Variants in HNRNPD observed in about 807,000 individuals in gnomAD.
The protein encoded by HNRNPD is heterogeneous nuclear ribonucleoprotein D.
HNRNPD carries 3 observed loss-of-function variants against 47.9 expected under a neutral mutation model. That is an observed-to-expected ratio of 0.06 (90% CI 0.03 to 0.16). The LOEUF is 0.16. Among genes scored for constraint, HNRNPD ranks in the 10% least tolerant of loss-of-function variants. The probability of loss-of-function intolerance (pLI) is 1.00; values close to 1 mark genes in which losing one functional copy is unlikely to be tolerated. For missense variants in HNRNPD, 287 were observed against 454.2 expected, an observed-to-expected ratio of 0.63 and a Z score of 3.35; for synonymous variants, 171 against 165.1, an observed-to-expected ratio of 1.04 and a Z score of -0.28.
rs1352433582 is a variant in HNRNPD at position 82,373,620 on chromosome 4, CCTACCGCCGCCGTTGCCG to C, written c.41_58del (p.Ala14_Val19del). 4.6e-6 allele frequency: 7 copies of C among 1,527,572 alleles called. No individual in the cohort carries two copies. The highest frequency in any genetic ancestry group is 2.8e-5 in the African/African-American group (2 of 71,080). The allele number at this position is 1,527,572 out of a possible 1,614,324, so 94.6% of individuals were successfully genotyped here. On this transcript the variant is annotated inframe_deletion, in exon 1 of 9. Transcript: ENST00000313899. ...TCCCTCCTGCTCGCCCGCCGAGCCG[CCTACCGCCGCCGTTGCCG>C]CTGCCGCCGCCCCGTCCCCGCCGAA...
At chr4:82,354,216 T>G (rs1321691039) in intron 8 of HNRNPD, 62 bp from the exon 9 acceptor site, 3 of 152,268 alleles carry the variant, frequency 2.0e-5, no homozygotes, top group African/African-American at 7.2e-5. Flanking sequence ...TAACAAAAAT[T>G]TACATAAAAC....
chr4:82,360,443 G>A (rs993843133), intron 2 of HNRNPD, among the ~76,000 whole-genome samples: 3 of 151,668 alleles, frequency 2.0e-5, no homozygotes, highest in African/African-American at 7.3e-5. Flanking sequence ...TTCAGATCTG[G>A]CAGCTTTACA....
intron 2 of HNRNPD, among the ~76,000 whole-genome samples, chr4:82,365,395 A>G (rs1481550917): frequency 6.6e-6 from 1 of 152,144 alleles, no homozygotes; most frequent in Middle Eastern, 3.2e-3. Flanking sequence ...TTTATCCATC[A>G]TAATTATTCT....
At chr4:82,370,690 A>G (rs1045151546) in intron 2 of HNRNPD, among the ~76,000 whole-genome samples, 17 of 152,236 alleles carry the variant, frequency 1.1e-4, no homozygotes, top group Non-Finnish European at 2.2e-4. Context: ...TTGTAAAGAT[A>G]TAAGTTAACT....
At position 82,356,854 on chromosome 4, in the gene HNRNPD, TTGCTGA is replaced by T; in HGVS notation, c.789_794del (p.Tyr263_Gln265delinsTer). On this transcript the variant is annotated stop_gained and inframe_deletion, in exon 6 of 9. Coordinates refer to ENST00000313899, the MANE Select transcript of HNRNPD (RefSeq NM_031370.3). LOFTEE classifies it high-confidence loss of function. The stretch of plus-strand genomic sequence containing the variant: ...CTCCTCTAGATCCCCACTGTTGCTG[TTGCTGA>T]TATTGTTCCTTCGACATGGCTACTT... The T allele has an allele frequency of 6.2e-7, 1 of 1,614,154 alleles. No individual in the cohort carries two copies.
intron 2 of HNRNPD, among the ~76,000 whole-genome samples, chr4:82,367,439 A>G (rs775030606): frequency 1.3e-5 from 2 of 152,186 alleles, no homozygotes; most frequent in Non-Finnish European, 2.9e-5. Context: ...ACCTTGATGA[A>G]TTTTCCAACG....
chr4:82,367,155 A>G (rs1380190280), intron 2 of HNRNPD, among the ~76,000 whole-genome samples: 2 of 151,846 alleles, frequency 1.3e-5, no homozygotes, highest in African/African-American at 4.8e-5. Context: ...GGCACGAGCC[A>G]CTACTTTAAT....
At chr4:82,355,063 C>T (rs1319417925) in intron 8 of HNRNPD, 4 of 492,522 alleles carry the variant, frequency 8.1e-6, no homozygotes, top group African/African-American at 4.0e-5. Flanking sequence ...TGCTGCAATT[C>T]CTTAATTTGT....
At position 82,366,113 on chromosome 4, in the gene HNRNPD, T is replaced by C. The variant is rs1174252823; in HGVS notation, c.290+5415A>G. Among the ~76,000 whole-genome samples the C allele has an allele frequency of 5.3e-5, 8 of 152,212 alleles. 1 individual carries two copies. Among genetic ancestry groups the C allele is most frequent in the Admixed American group, 3.3e-4 (5 of 15,270 alleles). On this transcript the variant is annotated intron_variant, in intron 2 of 8. Coordinates refer to ENST00000313899, the MANE Select transcript of HNRNPD (RefSeq NM_031370.3). ...AAGAATTCCATTTATTCAAGACTAA[T>C]ATACAATGGACCAAACATTTTCAGA...
Position 82,365,889 on chromosome 4 carries a change from C to T in HNRNPD, c.290+5639G>A, listed in dbSNP as rs77150744. Among the ~76,000 whole-genome samples the T allele has an allele frequency of 6.0e-4, 89 of 148,436 alleles. 2 individuals carry two copies. In the East Asian group the frequency reaches 0.014, roughly 23 times the overall value. ...GCCTCCCAAAGTGCTATATTACAAG[C>T]GTGAGCCACCGCACCCAGCCCACTT... On this transcript the variant is annotated intron_variant, in intron 2 of 8. Transcript: ENST00000313899.
At chr4:82,363,424 T>C (rs1361192133) in intron 2 of HNRNPD, among the ~76,000 whole-genome samples, 1 of 152,212 alleles carries the variant, frequency 6.6e-6, no homozygotes, top group Admixed American at 6.5e-5. Flanking sequence ...ACATGTACTG[T>C]CTGTCCAGAT....
intron 2 of HNRNPD, among the ~76,000 whole-genome samples, chr4:82,363,048 G>GTGTGTGTGTA (rs1198240906): frequency 2.1e-5 from 3 of 145,456 alleles, no homozygotes; most frequent in African/African-American, 7.9e-5. Flanking sequence ...GTGTGTGTGT[G>GTGTGTGTGTA]TATATATATA....
At chr4:82,356,273 G>C (rs551487977) in intron 7 of HNRNPD, 3 of 375,476 alleles carry the variant, frequency 8.0e-6, no homozygotes, top group Admixed American at 8.3e-5. Flanking sequence ...TAAAAGATCT[G>C]AACTGAGCTT....
rs1720290047 is a variant in HNRNPD, at chr4:82,373,928, G to C, written c.-250C>G. 1 of 919,348 alleles carries C rather than the reference G, an allele frequency of 1.1e-6. No individual in the cohort carries two copies. The highest frequency in any genetic ancestry group is 2.0e-5 in the South Asian group (1 of 50,784). The allele number at this position is 919,348 out of a possible 1,614,324, so 56.9% of individuals were successfully genotyped here. ...GCACTAAAAAAGAATAAGCACCAGC[G>C]GCGGCCGCTCTCGCCTCCTCCTCGC... On this transcript the variant is annotated 5_prime_UTR_variant, in exon 1 of 9. Transcript: ENST00000313899.
intron 7 of HNRNPD, 54 bp from the exon 8 acceptor site, chr4:82,355,455 C>G: frequency 8.2e-7 from 1 of 1,216,650 alleles, no homozygotes; most frequent in Non-Finnish European, 1.2e-6. Context: ...TACTAATAAT[C>G]AGAACAGTAC....
chr4:82,359,342 G>A (rs1472239107), intron 3 of HNRNPD, 129 bp downstream of exon 3: 5 of 514,592 alleles, frequency 9.7e-6, no homozygotes, highest in East Asian at 6.8e-5. Context: ...AAAACGTATT[G>A]GGGCAAGAAC....
In HNRNPD at chr4:82,352,912, A is replaced by G. The variant is rs1309081477; in HGVS notation, c.*1273T>C. On this transcript the variant is annotated 3_prime_UTR_variant, in exon 9 of 9. Coordinates refer to ENST00000313899, the MANE Select transcript of HNRNPD (RefSeq NM_031370.3). ...AAGAAAGGTATTCCATCACTTCACTACTATAGAACTGTATAATAATACATT... is the reference window on the plus strand; with the variant it reads ...AAGAAAGGTATTCCATCACTTCACTGCTATAGAACTGTATAATAATACATT... 1 of 152,216 alleles carries G rather than the reference A, an allele frequency of 6.6e-6. No homozygotes were observed. Among genetic ancestry groups the G allele is most frequent in the Non-Finnish European group, 1.5e-5 (1 of 68,028 alleles). The allele number at this position is 152,216 out of a possible 1,614,324, so 9.4% of individuals were successfully genotyped here. A position where few individuals can be genotyped will look rare whatever the true frequency, so the allele number is the denominator to read the frequency against.
intron 1 of HNRNPD, chr4:82,373,072 G>A (rs777208990): frequency 7.9e-5 from 38 of 481,440 alleles, no homozygotes; most frequent in South Asian, 4.5e-4. Context: ...GCCCAAGACT[G>A]TAGAAAAAGG....
At chr4:82,369,398 G>A (rs1054117102) in intron 2 of HNRNPD, among the ~76,000 whole-genome samples, 5 of 152,188 alleles carry the variant, frequency 3.3e-5, no homozygotes, top group Non-Finnish European at 5.9e-5. Context: ...CACTAGAGGT[G>A]TAACAGGCAT....
Sources: allele counts gnomAD v4.1 joint callset (sites outside exome capture counted in the v4.1 genomes callset), GRCh38; gene constraint gnomAD v4.1.1; transcripts MANE v1.5; gene names NCBI Gene and HGNC (gene_info 2026-07-23, HGNC 2026-07-21).